Variants in SUN1 observed in about 807,000 individuals in gnomAD.
SUN1 encodes Sad1 and UNC84 domain containing 1, also known as SUN domain-containing protein 1.
In SUN1, 61 loss-of-function variants were observed where a neutral mutation model predicts 103.2. The observed-to-expected ratio is 0.59, with a 90% CI of 0.48 to 0.73. SUN1 has a LOEUF of 0.73. Among genes scored for constraint, SUN1 ranks in the 30% least tolerant of loss-of-function variants. SUN1 has a pLI of 0.00. For synonymous variants in SUN1, 490 were observed against 425.7 expected (o/e 1.15, Z -1.86); for missense variants, 1,052 against 1,034.6 (o/e 1.02, Z -0.23).
intron 5 of SUN1, among the ~76,000 whole-genome samples, chr7:845,402 C>T (rs532329887): frequency 1.3e-5 from 2 of 152,192 alleles, no homozygotes; most frequent in African/African-American, 2.4e-5. Context: ...CCTGCCTTGC[C>T]CTCTCAGACA....
rs374695484 is a variant in SUN1, at chr7:843,553, G to T, written c.658+33G>T. The T allele has an allele frequency of 4.3e-6, 7 of 1,613,850 alleles. No individual in the cohort carries two copies. In the South Asian group the frequency reaches 7.7e-5, roughly 18 times the overall value. Reference sequence around the variant, plus strand: ...TCAGTCCTTTAAAACTCAGAAAAAGGTGTGTTTTCCAAATTTAATATTTCC... The same window carrying T: ...TCAGTCCTTTAAAACTCAGAAAAAGTTGTGTTTTCCAAATTTAATATTTCC... On this transcript the variant is annotated intron_variant, in intron 5 of 18. Transcript: ENST00000401592.
chr7:815,806 G>C (rs926427820), upstream of SUN1: 7 of 219,462 alleles, frequency 3.2e-5, no homozygotes, highest in African/African-American at 7.2e-5. Flanking sequence ...CGCCTGGGGA[G>C]GAGGGGCCGC....
At chr7:839,328 G>A (rs1457842030) in intron 2 of SUN1, 3 of 258,526 alleles carry the variant, frequency 1.2e-5, no homozygotes, top group Non-Finnish European at 2.2e-5. Context: ...TACCACATGT[G>A]TAAAGAGGAA....
chr7:826,341 T>C (rs1791904798), intron 1 of SUN1, among the ~76,000 whole-genome samples: 1 of 152,210 alleles, frequency 6.6e-6, no homozygotes, highest in Non-Finnish European at 1.5e-5. Context: ...AGATGAGGAT[T>C]GAGCGAGCAT....
intron 14 of SUN1, among the ~76,000 whole-genome samples, chr7:861,103 G>A: frequency 6.6e-6 from 1 of 152,160 alleles, no homozygotes; most frequent in East Asian, 1.9e-4. Context: ...CGTGTTTTAT[G>A]GCATCTGGGG....
rs1395910977 is a variant in SUN1, at chr7:841,765, C to A, written c.267-181C>A. ...ACAATTTTAGAGGGAGTTCTTGGAT[C>A]CCAGCTCAAAAATTCCTTTTTTATA... On this transcript the variant is annotated intron_variant, in intron 2 of 18. Transcript: ENST00000401592. The A allele has an allele frequency of 4.8e-6, 3 of 621,676 alleles. No homozygotes were observed. The Admixed American group carries it at 9.5e-5, about 20-fold the overall frequency. The allele number at this position is 621,676 out of a possible 1,614,324, so 38.5% of individuals were successfully genotyped here.
chr7:868,265 A>G (rs925572863), intron 16 of SUN1, among the ~76,000 whole-genome samples: 1 of 152,260 alleles, frequency 6.6e-6, no homozygotes, highest in East Asian at 1.9e-4. Context: ...CTTGTCAGTC[A>G]GTCCCTGTGT....
At chr7:829,084 G>A (rs192791350), upstream of SUN1, among the ~76,000 whole-genome samples, 4 of 152,384 alleles carry the variant, frequency 2.6e-5, no homozygotes, top group East Asian at 1.9e-4. Flanking sequence ...CATCACGCCT[G>A]CAGACCGCAC....
rs961930316 is a variant in SUN1 at position 852,616 on chromosome 7, C to T, written c.859C>T (p.Arg287Ter). 9 of 1,614,184 alleles carry T rather than the reference C, an allele frequency of 5.6e-6. No individual in the cohort carries two copies. Among genetic ancestry groups the T allele is most frequent in the East Asian group, 2.2e-5 (1 of 44,894 alleles). Residue 287 changes from arginine to a stop codon, truncating the protein, a stop_gained, in exon 8 of 19, where the codon CGA becomes TGA. Transcript: ENST00000401592. LOFTEE classifies it high-confidence loss of function. ...TTTCATTGTTACTCCCAGGTGCCTT[C>T]GAAACATCTGCAAGTTTTTAGTCTT... The part of the protein sequence containing the change: ...LNVFLLTRCL[R>*]NICKFLVLLI...
intron 13 of SUN1, among the ~76,000 whole-genome samples, chr7:858,960 C>G (rs1424037270): frequency 6.6e-6 from 1 of 152,246 alleles, no homozygotes; most frequent in East Asian, 1.9e-4. Context: ...TCAAGACCAG[C>G]CTGGCCAACA....
chr7:816,956 G>A (rs1023215783), intron 1 of SUN1: 1 of 153,088 alleles, frequency 6.5e-6, no homozygotes, highest in African/African-American at 2.4e-5. Flanking sequence ...GTGGCGCGGG[G>A]TCGGGGGCGG....
intron 1 of SUN1, among the ~76,000 whole-genome samples, chr7:819,421 C>G (rs1322920891): frequency 2.6e-5 from 4 of 152,090 alleles, no homozygotes; most frequent in African/African-American, 9.7e-5. Context: ...CTGCAAAATC[C>G]AAGGTCAGGA....
intron 5 of SUN1, among the ~76,000 whole-genome samples, chr7:844,420 G>A (rs55663559): frequency 0.16 from 23,723 of 152,200 alleles, 2,043 homozygotes; most frequent in African/African-American, 0.18. Context: ...GGCATTGCCC[G>A]GGACGTGGGG....
At position 856,480 on chromosome 7, in the gene SUN1, T is replaced by C. The variant is rs768539673; in HGVS notation, c.1394+79T>C. The C allele has an allele frequency of 2.2e-5, 35 of 1,558,258 alleles. No homozygotes were observed. The Admixed American group carries it at 2.9e-4, about 13-fold the overall frequency. ...TGTGGAGCGGCAGCAGAGTGATGAA[T>C]GGGGGACCCGGGGCCGGCCTCCCCC... is the stretch of plus-strand genomic sequence containing the variant. On this transcript the variant is annotated intron_variant, in intron 12 of 18. Transcript: ENST00000401592.
Position 832,644 on chromosome 7 carries a change from C to G in SUN1, c.77+43C>G, listed in dbSNP as rs757460685. On this transcript the variant is annotated intron_variant, in intron 1 of 18. Coordinates refer to ENST00000401592, the MANE Select transcript of SUN1 (RefSeq NM_001130965.3). Reference sequence around the variant, plus strand: ...CGTGGGGTCCTGGCCTTGCAATGCCCACTCGCTGTCGCGGTGGCGTGGACC... The same window carrying G: ...CGTGGGGTCCTGGCCTTGCAATGCCGACTCGCTGTCGCGGTGGCGTGGACC... 7 of 1,534,814 alleles carry G rather than the reference C, an allele frequency of 4.6e-6. No homozygotes were observed. The East Asian group carries it at 1.2e-4, about 25-fold the overall frequency.
chr7:824,488 A>G (rs1490436726), intron 1 of SUN1, among the ~76,000 whole-genome samples: 1 of 152,212 alleles, frequency 6.6e-6, no homozygotes, highest in African/African-American at 2.4e-5. Context: ...AAACTATTTA[A>G]TAGTTTTGTC....
chr7:826,752 A>G (rs550212808), intron 1 of SUN1, among the ~76,000 whole-genome samples: 28 of 152,270 alleles, frequency 1.8e-4, no homozygotes, highest in Middle Eastern at 3.4e-3. Context: ...GTGTTAGTCC[A>G]CATCGTCAGT....
At chr7:821,442 A>G (rs1785943047) in intron 1 of SUN1, among the ~76,000 whole-genome samples, 1 of 152,130 alleles carries the variant, frequency 6.6e-6, no homozygotes, top group Non-Finnish European at 1.5e-5. Flanking sequence ...TGCTGGGATT[A>G]TAGGCGTGAG....
intron 1 of SUN1, chr7:833,276 T>C (rs1424147225): frequency 6.7e-6 from 1 of 150,298 alleles, no homozygotes; most frequent in Admixed American, 6.7e-5. Context: ...ACCAGGAAAA[T>C]GCTTGTGTAA....
Sources: allele counts gnomAD v4.1 joint callset (sites outside exome capture counted in the v4.1 genomes callset), GRCh38; gene constraint gnomAD v4.1.1; transcripts MANE v1.5; gene names NCBI Gene and HGNC (gene_info 2026-07-23, HGNC 2026-07-21).